The following ARHGAP15 variants were observed in gnomAD, a reference collection of about 807,000 sequenced individuals.
The protein encoded by ARHGAP15 is rho GTPase-activating protein 15.
A neutral mutation model predicts 63.7 loss-of-function variants in ARHGAP15; 51 were observed. The ratio of observed to expected loss-of-function variants is 0.80; its 90% CI spans 0.64 to 1.01. ARHGAP15 has a LOEUF of 1.01. Among genes scored for constraint, ARHGAP15 ranks in the 50% least tolerant of loss-of-function variants. ARHGAP15 has a pLI of 0.00. For synonymous variants in ARHGAP15, 191 were observed against 193.8 expected (o/e 0.99, Z 0.12); for missense variants, 560 against 564.6 (o/e 0.99, Z 0.08).
At chr2:143,444,989 T>G (rs1384838849) in intron 8 of ARHGAP15, among the ~76,000 whole-genome samples, 1 of 151,960 alleles carries the variant, frequency 6.6e-6, no homozygotes, top group Non-Finnish European at 1.5e-5. Flanking sequence ...CTACCCAATT[T>G]TCCTAATGTA....
intron 6 of ARHGAP15, among the ~76,000 whole-genome samples, chr2:143,427,996 G>A (rs562779398): frequency 1.3e-5 from 2 of 152,192 alleles, no homozygotes; most frequent in East Asian, 3.9e-4. Context: ...CTGTTGTTCA[G>A]CCATGCATGT....
At chr2:143,636,021 C>T (rs1314104766) in intron 12 of ARHGAP15, among the ~76,000 whole-genome samples, 1 of 152,082 alleles carries the variant, frequency 6.6e-6, no homozygotes, top group East Asian at 1.9e-4. Flanking sequence ...ATACCTAAAG[C>T]CTGAGTCCAT....
chr2:143,658,642 T>C (rs567831164), intron 12 of ARHGAP15, among the ~76,000 whole-genome samples: 2 of 152,332 alleles, frequency 1.3e-5, no homozygotes, highest in East Asian at 3.9e-4. Context: ...AGGCCCATTT[T>C]TTTTTCTGCT....
chr2:143,467,975 A>G (rs747033696), intron 8 of ARHGAP15, among the ~76,000 whole-genome samples: 3 of 152,106 alleles, frequency 2.0e-5, no homozygotes, highest in Non-Finnish European at 4.4e-5. Flanking sequence ...CTATTTTTTA[A>G]CAATGATTTG....
intron 6 of ARHGAP15, among the ~76,000 whole-genome samples, chr2:143,350,064 T>C (rs955106060): frequency 3.3e-5 from 5 of 152,218 alleles, no homozygotes; most frequent in African/African-American, 1.2e-4. Flanking sequence ...GTTTTATTTT[T>C]ATTTTCTTAA....
chr2:143,392,269 G>C (rs1484562678), intron 6 of ARHGAP15, among the ~76,000 whole-genome samples: 1 of 152,120 alleles, frequency 6.6e-6, no homozygotes, highest in Non-Finnish European at 1.5e-5. Flanking sequence ...TTAGAGAAAT[G>C]TTAAATGTAA....
chr2:143,424,100 T>A (rs1187046943), intron 6 of ARHGAP15, among the ~76,000 whole-genome samples: 1 of 152,102 alleles, frequency 6.6e-6, no homozygotes, highest in East Asian at 1.9e-4. Context: ...CAATACAGCA[T>A]AATTTTCAAA....
At chr2:143,130,103 A>C (rs1688861252) in intron 1 of ARHGAP15, among the ~76,000 whole-genome samples, 1 of 152,164 alleles carries the variant, frequency 6.6e-6, no homozygotes, top group African/African-American at 2.4e-5. Flanking sequence ...TTATATTTAA[A>C]AAAGAAGTCA....
intron 6 of ARHGAP15, among the ~76,000 whole-genome samples, chr2:143,269,886 T>C (rs889146290): frequency 2.0e-5 from 3 of 152,188 alleles, no homozygotes; most frequent in Non-Finnish European, 4.4e-5. Context: ...GTACCTTTTT[T>C]TACAGAAGTT....
At chr2:143,407,753 G>A (rs530985845) in intron 6 of ARHGAP15, among the ~76,000 whole-genome samples, 2 of 151,066 alleles carry the variant, frequency 1.3e-5, no homozygotes, top group South Asian at 4.2e-4. Flanking sequence ...CATTTTTAGT[G>A]TATTTTAATT....
intron 10 of ARHGAP15, among the ~76,000 whole-genome samples, chr2:143,536,388 T>A (rs1223851189): frequency 6.6e-5 from 10 of 152,132 alleles, no homozygotes; most frequent in Non-Finnish European, 2.9e-5. Context: ...TTTTTTTTTT[T>A]ATTATTTAAG....
At chr2:143,668,540 A>G (rs954784127) in intron 12 of ARHGAP15, among the ~76,000 whole-genome samples, 18 of 141,208 alleles carry the variant, frequency 1.3e-4, no homozygotes, top group Non-Finnish European at 2.2e-4. Context: ...GCTTTAAACT[A>G]TGTCCTTTGT....
intron 10 of ARHGAP15, among the ~76,000 whole-genome samples, chr2:143,541,668 A>C (rs1409269871): frequency 6.6e-6 from 1 of 152,198 alleles, no homozygotes; most frequent in Non-Finnish European, 1.5e-5. Flanking sequence ...CCTGGGTATC[A>C]GCAGTGGTGG....
At chr2:143,142,695 A>T (rs1039289468) in intron 1 of ARHGAP15, among the ~76,000 whole-genome samples, 14 of 152,210 alleles carry the variant, frequency 9.2e-5, no homozygotes, top group African/African-American at 3.1e-4. Flanking sequence ...AGTGGCAACC[A>T]TTTAAATACA....
At chr2:143,207,119 T>C (rs1209974891) in intron 3 of ARHGAP15, among the ~76,000 whole-genome samples, 1 of 151,874 alleles carries the variant, frequency 6.6e-6, no homozygotes, top group East Asian at 1.9e-4. Context: ...TAAGCTAATA[T>C]CAGAAGAACC....
intron 11 of ARHGAP15, among the ~76,000 whole-genome samples, chr2:143,619,039 C>G (rs1698555446): frequency 6.6e-6 from 1 of 151,916 alleles, no homozygotes; most frequent in Admixed American, 6.6e-5. Context: ...TCTCAAACTC[C>G]TGGCCTCAGG....
At chr2:143,520,949 A>G (rs945518966) in intron 10 of ARHGAP15, among the ~76,000 whole-genome samples, 1 of 152,196 alleles carries the variant, frequency 6.6e-6, no homozygotes, top group African/African-American at 2.4e-5. Flanking sequence ...TGCGGTGTGC[A>G]GATATTATAA....
intron 6 of ARHGAP15, among the ~76,000 whole-genome samples, chr2:143,309,051 C>A (rs1312769463): frequency 6.6e-6 from 1 of 150,690 alleles, no homozygotes; most frequent in East Asian, 1.9e-4. Flanking sequence ...TAGTGCATTG[C>A]TAAAGGTATT....
intron 6 of ARHGAP15, among the ~76,000 whole-genome samples, chr2:143,410,462 A>G (rs1042829675): frequency 3.3e-5 from 5 of 152,342 alleles, no homozygotes; most frequent in South Asian, 2.1e-4. Flanking sequence ...TAGAATACCT[A>G]TAGTCTATCC....
Sources: allele counts gnomAD v4.1 joint callset (sites outside exome capture counted in the v4.1 genomes callset), GRCh38; gene constraint gnomAD v4.1.1; transcripts MANE v1.5; gene names NCBI Gene and HGNC (gene_info 2026-07-23, HGNC 2026-07-21).